The following HYCC2 variants were observed in gnomAD, a reference collection of about 807,000 sequenced individuals.
HYCC2 encodes the protein hyccin PI4KA lipid kinase complex subunit 2.
At chr2:200,987,394 T>A in the HYCC2 span, 5 of 1,289,770 alleles carry the variant, frequency 3.9e-6, no homozygotes, top group Non-Finnish European at 5.1e-6. Context: ...TGAGTTGGGC[T>A]CCGGCGAGCC....
the HYCC2 span, among the ~76,000 whole-genome samples, chr2:201,029,964 G>A: frequency 1.3e-5 from 2 of 152,148 alleles, no homozygotes; most frequent in Non-Finnish European, 2.9e-5. Flanking sequence ...ATGCACACCG[G>A]TAGTCCCAGT....
the HYCC2 span, chr2:200,980,835 C>A: frequency 6.1e-6 from 1 of 162,836 alleles, no homozygotes; most frequent in East Asian, 1.7e-4. Flanking sequence ...AAATATGATC[C>A]AGTAATCTTC....
chr2:201,015,952 T>A, the HYCC2 span, among the ~76,000 whole-genome samples: 1 of 152,184 alleles, frequency 6.6e-6, no homozygotes, highest in Admixed American at 6.6e-5. Flanking sequence ...TCAGCTAACA[T>A]CTGAGTTTCT....
At chr2:200,976,283 C>T in the HYCC2 span, 5 of 151,972 alleles carry the variant, frequency 3.3e-5, no homozygotes, top group East Asian at 1.9e-4. Flanking sequence ...TGGCATGACC[C>T]GTTAAACTTT....
chr2:201,036,809 G>C, the HYCC2 span, among the ~76,000 whole-genome samples: 1 of 152,148 alleles, frequency 6.6e-6, no homozygotes. Context: ...GACAAAAACT[G>C]GAAGCATTCC....
the HYCC2 span, among the ~76,000 whole-genome samples, chr2:201,017,598 A>G: frequency 6.6e-6 from 1 of 152,242 alleles, no homozygotes; most frequent in Non-Finnish European, 1.5e-5. Flanking sequence ...AGCAAATTAT[A>G]TACCACTCTT....
the HYCC2 span, among the ~76,000 whole-genome samples, chr2:201,051,050 T>C: frequency 6.6e-6 from 1 of 152,060 alleles, no homozygotes; most frequent in Admixed American, 6.5e-5. Context: ...GGCAAAAATA[T>C]CAATGAATTA....
At chr2:200,979,553 G>A in the HYCC2 span, 1 of 151,840 alleles carries the variant, frequency 6.6e-6, no homozygotes, top group Non-Finnish European at 1.5e-5. Context: ...GTTTTTTCTG[G>A]TTATTTATCA....
At chr2:201,008,712 T>A in the HYCC2 span, among the ~76,000 whole-genome samples, 25 of 152,058 alleles carry the variant, frequency 1.6e-4, no homozygotes, top group African/African-American at 4.1e-4. Context: ...CTGGACAACA[T>A]AGCAAGACCT....
chr2:201,010,901 C>T, the HYCC2 span, among the ~76,000 whole-genome samples: 1 of 151,830 alleles, frequency 6.6e-6, no homozygotes. Flanking sequence ...AATCCCAGCA[C>T]TTTGGGAGGC....
At chr2:201,047,966 G>GAAATTATCCT in the HYCC2 span, among the ~76,000 whole-genome samples, 5 of 150,278 alleles carry the variant, frequency 3.3e-5, no homozygotes, top group African/African-American at 9.8e-5. Context: ...CAGACAGAAG[G>GAAATTATCCT]AAATTATCCT....
At chr2:201,009,841 C>T in the HYCC2 span, among the ~76,000 whole-genome samples, 2 of 151,750 alleles carry the variant, frequency 1.3e-5, no homozygotes, top group Admixed American at 6.6e-5. Flanking sequence ...CGGTGGCTCA[C>T]GCCTGTAATC....
the HYCC2 span, among the ~76,000 whole-genome samples, chr2:201,048,596 C>T: frequency 6.6e-6 from 1 of 150,854 alleles, no homozygotes; most frequent in Non-Finnish European, 1.5e-5. Flanking sequence ...CCAGTATGAC[C>T]CAGGGAAGCC....
chr2:201,039,803 TC>T, the HYCC2 span, among the ~76,000 whole-genome samples: 1 of 152,164 alleles, frequency 6.6e-6, no homozygotes, highest in African/African-American at 2.4e-5. Context: ...ACTTGGCTGG[TC>T]GCTGAAAAGT....
At chr2:201,056,400 C>T in the HYCC2 span, among the ~76,000 whole-genome samples, 7 of 152,106 alleles carry the variant, frequency 4.6e-5, no homozygotes, top group South Asian at 2.1e-4. Context: ...GCCAGCCGGG[C>T]GCAGTGGCTT....
At chr2:200,977,224 C>G in the HYCC2 span, 1 of 152,146 alleles carries the variant, frequency 6.6e-6, no homozygotes, top group South Asian at 2.1e-4. Flanking sequence ...ACTACTAGAC[C>G]AGAACTATAA....
the HYCC2 span, among the ~76,000 whole-genome samples, chr2:201,025,653 TA>T: frequency 6.6e-6 from 1 of 152,022 alleles, no homozygotes; most frequent in African/African-American, 2.4e-5. Flanking sequence ...GGTCCTGTGG[TA>T]AGAAAAAGCA....
At chr2:200,977,530 C>T in the HYCC2 span, 2 of 152,132 alleles carry the variant, frequency 1.3e-5, no homozygotes, top group Admixed American at 6.6e-5. Context: ...ACGATTTTCC[C>T]CTTAGCTTCT....
the HYCC2 span, among the ~76,000 whole-genome samples, chr2:201,003,734 T>C: frequency 6.8e-6 from 1 of 148,054 alleles, no homozygotes; most frequent in Non-Finnish European, 1.5e-5. Context: ...AGTGAAAACA[T>C]ATCAGCTTAG....
Sources: gnomAD v4.1 joint callset for allele counts (sites outside exome capture counted in the v4.1 genomes callset) on GRCh38, gnomAD v4.1.1 for gene constraint, MANE v1.5 for transcripts, NCBI Gene and HGNC (gene_info 2026-07-23, HGNC 2026-07-21) for gene names.